The following NBPF20 variants were observed in gnomAD, a reference collection of about 807,000 sequenced individuals.
NBPF20 encodes NBPF member 20, also known as NBPF family member NBPF20.
A neutral mutation model predicts 68.1 loss-of-function variants in NBPF20; 90 were observed. That is an observed-to-expected ratio of 1.32 (90% CI 1.11 to 1.58). The LOEUF (loss-of-function observed/expected upper bound fraction) is 1.58. Ranked by LOEUF, NBPF20 falls within the 40% of genes most tolerant of loss-of-function variation. The pLI is 0.00. For missense variants in NBPF20, 816 were observed against 601.2 expected, an observed-to-expected ratio of 1.36 and a Z score of -3.74; for synonymous variants, 290 against 228.1, an observed-to-expected ratio of 1.27 and a Z score of -2.45.
At chr1:145,407,641 A>C (rs1553668066), upstream of NBPF20, 1 of 150,890 alleles carries the variant, frequency 6.6e-6, no homozygotes, top group African/African-American at 2.4e-5. Flanking sequence ...CTGCACAGCT[A>C]GCAGAGTCGT....
chr1:145,393,535 G>A (rs61810768), intron 9 of NBPF20, among the ~76,000 whole-genome samples: 2 of 151,906 alleles, frequency 1.3e-5, no homozygotes, highest in Admixed American at 1.3e-4. Context: ...TGATGAGGGA[G>A]TCAAAGGACA....
the NBPF20 span, among the ~76,000 whole-genome samples, chr1:145,423,983 T>C: frequency 6.7e-6 from 1 of 149,698 alleles, no homozygotes. Context: ...TACTTTTTTT[T>C]TTTTTTTTTG....
the NBPF20 span, among the ~76,000 whole-genome samples, chr1:145,412,535 T>C: frequency 3.3e-5 from 5 of 152,054 alleles, no homozygotes; most frequent in Non-Finnish European, 5.9e-5. Context: ...ATGCATTAAA[T>C]TTAAGCCTAA....
At chr1:145,410,802 ATG>A in the NBPF20 span, among the ~76,000 whole-genome samples, 65 of 80,928 alleles carry the variant, frequency 8.0e-4, 2 homozygotes, top group African/African-American at 2.5e-3. Context: ...ATATACGTAT[ATG>A]TATATATATA....
At chr1:145,393,458 A>AC (rs1349838912) in intron 9 of NBPF20, among the ~76,000 whole-genome samples, 2 of 145,160 alleles carry the variant, frequency 1.4e-5, no homozygotes, top group Non-Finnish European at 3.0e-5. Flanking sequence ...CACACACACA[A>AC]ACACACACAC....
intron 7 of NBPF20, among the ~76,000 whole-genome samples, chr1:145,398,622 G>C (rs1218432854): frequency 1.8e-4 from 28 of 152,124 alleles, no homozygotes; most frequent in African/African-American, 6.8e-4. Context: ...ACAAGAGAAA[G>C]CAGAAAAGAT....
chr1:145,291,828 C>T (rs1319445303), intron 137 of NBPF20, 59 bp from the exon 143 acceptor site: 3 of 1,611,204 alleles, frequency 1.9e-6, no homozygotes, highest in South Asian at 1.1e-5. Context: ...CACAGAGCCC[C>T]ACTAGATTTC....
At chr1:145,415,033 T>C in the NBPF20 span, among the ~76,000 whole-genome samples, 1 of 152,166 alleles carries the variant, frequency 6.6e-6, no homozygotes, top group East Asian at 1.9e-4. Flanking sequence ...CACTGGCCTC[T>C]GAGTTCCCTT....
chr1:145,352,345 A>T (rs1332544374), intron 61 of NBPF20, among the ~76,000 whole-genome samples: 4 of 84,550 alleles, frequency 4.7e-5, no homozygotes, highest in African/African-American at 1.8e-4. Context: ...ACACACACAC[A>T]CAGAGAGAAC....
At chr1:145,393,236 C>G (rs1459451086) in exon 10 of NBPF20, 9 of 629,060 alleles carry the variant, frequency 1.4e-5, no homozygotes, top group South Asian at 7.3e-5. Flanking sequence ...TCCAGCAGCT[C>G]CCTGCTGAGC....
At chr1:145,402,529 G>A in intron 3 of NBPF20, 148 bp from the exon 9 acceptor site, 1 of 709,260 alleles carries the variant, frequency 1.4e-6, no homozygotes, top group Non-Finnish European at 2.6e-6. Flanking sequence ...GTGGCCAAGA[G>A]AAAGAATAGA....
chr1:145,400,520 C>G (rs1395502894), exon 6 of NBPF20: 4 of 1,612,886 alleles, frequency 2.5e-6, no homozygotes, highest in East Asian at 2.2e-5. Context: ...AGGGCCATGG[C>G]TATTTGAATA....
chr1:145,394,269 C>T (rs1244843406), intron 8 of NBPF20, among the ~76,000 whole-genome samples: 2 of 151,482 alleles, frequency 1.3e-5, no homozygotes, highest in African/African-American at 2.5e-5. Context: ...CAATATTAAG[C>T]TTTCTCTCAT....
Position 145,403,212 on chromosome 1 carries a change from T to C in NBPF20, c.278+4A>G. ...CCCTGCCTGCCACCATGGGGTCCCC[T>C]CACCTGAGCTCCTCAGCTTGCTTGA... On this transcript the variant is annotated splice_donor_region_variant and intron_variant, in intron 3 of 137. Coordinates refer to ENST00000369373, the Ensembl canonical transcript of NBPF20. 1 of 1,612,392 alleles carries C rather than the reference T, an allele frequency of 6.2e-7. No homozygotes were observed. The highest frequency in any genetic ancestry group is 8.5e-7 in the Non-Finnish European group (1 of 1,179,992).
chr1:145,366,917 C>T, intron 43 of NBPF20, 86 bp downstream of exon 48: 1 of 16,690 alleles, frequency 6.0e-5, no homozygotes, highest in Admixed American at 8.0e-4. Context: ...AAGATGTAAT[C>T]GATAATGTCA....
intron 7 of NBPF20, among the ~76,000 whole-genome samples, chr1:145,397,537 G>C (rs1484353209): frequency 5.3e-5 from 8 of 152,180 alleles, no homozygotes; most frequent in East Asian, 3.8e-4. Flanking sequence ...CAAATGCTGA[G>C]AGATTTTGTC....
chr1:145,397,927 T>A (rs1662338309), intron 7 of NBPF20, among the ~76,000 whole-genome samples: 2 of 151,902 alleles, frequency 1.3e-5, no homozygotes, highest in Admixed American at 6.6e-5. Context: ...AAGGCAGGGG[T>A]TGCAATCCTA....
chr1:145,291,316 T>C (rs1661061179), exon 138 of NBPF20: 9 of 739,136 alleles, frequency 1.2e-5, no homozygotes, highest in African/African-American at 5.3e-5. Context: ...TGCTGCACAG[T>C]TATGTGAACG....
intron 7 of NBPF20, among the ~76,000 whole-genome samples, chr1:145,396,846 C>CCA (rs1662271267): frequency 7.1e-6 from 1 of 140,122 alleles, no homozygotes; most frequent in Admixed American, 7.3e-5. Context: ...GTATACATGT[C>CCA]CACATTGGTG....
Sources: gnomAD v4.1 joint callset for allele counts (sites outside exome capture counted in the v4.1 genomes callset) on GRCh38, gnomAD v4.1.1 for gene constraint, MANE v1.5 for transcripts, NCBI Gene and HGNC (gene_info 2026-07-23, HGNC 2026-07-21) for gene names.